GAS2: variants seen among roughly 807,000 people sequenced by gnomAD.
GAS2 encodes growth arrest specific 2.
Under a neutral mutation model 37.5 loss-of-function variants are expected in GAS2, and 20 were observed. That is an observed-to-expected ratio of 0.53 (90% CI 0.37 to 0.77). GAS2 has a LOEUF of 0.77. Ranked by LOEUF, GAS2 falls within the 30% of genes least tolerant of loss-of-function variation. The probability of loss-of-function intolerance (pLI) is 0.00; values close to 1 mark genes in which losing one functional copy is unlikely to be tolerated. For synonymous variants in GAS2, 144 were observed against 132.2 expected, an observed-to-expected ratio of 1.09 and a Z score of -0.61; for missense variants, 336 against 373.4, an observed-to-expected ratio of 0.90 and a Z score of 0.82.
chr11:22,798,799 A>G (rs1239507617), intron 7 of GAS2, among the ~76,000 whole-genome samples: 3 of 151,938 alleles, frequency 2.0e-5, no homozygotes, highest in Non-Finnish European at 2.9e-5. Context: ...TGCTAGAATC[A>G]AGCTTTCAAC....
chr11:22,790,815 T>C (rs1036332835), intron 7 of GAS2, among the ~76,000 whole-genome samples: 14 of 151,902 alleles, frequency 9.2e-5, no homozygotes, highest in Non-Finnish European at 1.6e-4. Flanking sequence ...CAAAGATATA[T>C]TATTAAATAT....
chr11:22,727,383 A>C (rs1199604427), intron 4 of GAS2, among the ~76,000 whole-genome samples: 1 of 152,062 alleles, frequency 6.6e-6, no homozygotes, highest in East Asian at 1.9e-4. Context: ...ACAAGTATAC[A>C]AATTACCTTC....
intron 2 of GAS2, among the ~76,000 whole-genome samples, chr11:22,683,156 C>T (rs1468553983): frequency 7.5e-6 from 1 of 132,758 alleles, no homozygotes; most frequent in Non-Finnish European, 1.6e-5. Flanking sequence ...AAGACTGCTC[C>T]CAAAAATGGA....
chr11:22,739,009 G>C (rs932278459), intron 5 of GAS2, among the ~76,000 whole-genome samples: 3 of 152,148 alleles, frequency 2.0e-5, no homozygotes, highest in Admixed American at 2.0e-4. Flanking sequence ...TTGTGGGAAG[G>C]CCTCTGGGGG....
chr11:22,790,088 C>T (rs999527419), intron 7 of GAS2, among the ~76,000 whole-genome samples: 1 of 152,160 alleles, frequency 6.6e-6, no homozygotes, highest in Non-Finnish European at 1.5e-5. Context: ...ACCTACCTAA[C>T]ACATGTTACA....
chr11:22,811,230 A>G (rs1392491527), intron 7 of GAS2, among the ~76,000 whole-genome samples: 2 of 152,260 alleles, frequency 1.3e-5, no homozygotes, highest in African/African-American at 4.8e-5. Context: ...GAAAAAGAAT[A>G]AAGAAAAACA....
chr11:22,675,999 T>C (rs998640557), intron 2 of GAS2, among the ~76,000 whole-genome samples: 3 of 152,142 alleles, frequency 2.0e-5, no homozygotes, highest in Non-Finnish European at 2.9e-5. Context: ...TTGCATGGCT[T>C]TTGTATTTAT....
At chr11:22,655,314 A>C (rs896452647) in intron 1 of GAS2, among the ~76,000 whole-genome samples, 2 of 152,206 alleles carry the variant, frequency 1.3e-5, no homozygotes, top group African/African-American at 4.8e-5. Flanking sequence ...GCATTAGGTT[A>C]GTTCTTCAGA....
chr11:22,643,831 A>T (rs1848656989), intron 1 of GAS2, among the ~76,000 whole-genome samples: 1 of 152,138 alleles, frequency 6.6e-6, no homozygotes, highest in Non-Finnish European at 1.5e-5. Flanking sequence ...TTGCTATATA[A>T]ATACCTGCCA....
chr11:22,802,701 A>C (rs1590148401), intron 7 of GAS2, among the ~76,000 whole-genome samples: 1 of 152,200 alleles, frequency 6.6e-6, no homozygotes, highest in Non-Finnish European at 1.5e-5. Context: ...TTTATTTCTT[A>C]TCAACAACAA....
intron 2 of GAS2, among the ~76,000 whole-genome samples, chr11:22,681,205 A>C (rs1254304281): frequency 6.6e-6 from 1 of 152,142 alleles, no homozygotes; most frequent in African/African-American, 2.4e-5. Context: ...CTGATATGTA[A>C]ATCTTTATAA....
intron 1 of GAS2, among the ~76,000 whole-genome samples, chr11:22,651,902 G>A (rs928670589): frequency 2.6e-5 from 4 of 152,120 alleles, no homozygotes; most frequent in African/African-American, 9.7e-5. Context: ...ATCATCTGAA[G>A]CCTTCTTCTC....
At chr11:22,749,291 AC>A in intron 6 of GAS2, 30 bp downstream of exon 6, 2 of 1,599,242 alleles carry the variant, frequency 1.3e-6, no homozygotes, top group Non-Finnish European at 1.7e-6. Flanking sequence ...CTTCTTACCA[AC>A]GGTTAGTCTT....
At chr11:22,677,188 G>A (rs1440591062) in intron 2 of GAS2, among the ~76,000 whole-genome samples, 1 of 152,136 alleles carries the variant, frequency 6.6e-6, no homozygotes, top group Non-Finnish European at 1.5e-5. Context: ...TGAGGTGGGA[G>A]TAGGGCAAAG....
intron 1 of GAS2, among the ~76,000 whole-genome samples, chr11:22,634,238 A>G (rs1858788795): frequency 6.6e-6 from 1 of 152,178 alleles, no homozygotes; most frequent in Non-Finnish European, 1.5e-5. Flanking sequence ...TGTGATACTT[A>G]GTCACTACCA....
At chr11:22,749,441 A>C (rs1314938925) in intron 6 of GAS2, among the ~76,000 whole-genome samples, 180 bp downstream of exon 6, 3 of 152,042 alleles carry the variant, frequency 2.0e-5, no homozygotes, top group Non-Finnish European at 4.4e-5. Context: ...AAACTGAACT[A>C]GTTGTTCAAA....
intron 2 of GAS2, among the ~76,000 whole-genome samples, chr11:22,677,176 A>G (rs186666278): frequency 1.3e-4 from 20 of 152,278 alleles, no homozygotes; most frequent in Non-Finnish European, 2.8e-4. Context: ...TAAAATGTAA[A>G]CTGAGGTGGG....
intron 5 of GAS2, among the ~76,000 whole-genome samples, chr11:22,742,118 TA>T (rs546706188): frequency 3.0e-4 from 45 of 151,224 alleles, no homozygotes; most frequent in African/African-American, 8.2e-4. Flanking sequence ...CCTATCACTT[TA>T]AAAAAAAATG....
chr11:22,689,614 G>T (rs1850138584), intron 3 of GAS2, among the ~76,000 whole-genome samples: 1 of 152,144 alleles, frequency 6.6e-6, no homozygotes, highest in African/African-American at 2.4e-5. Context: ...AGATTTTTCA[G>T]TCCATTGTTG....
Sources: allele counts gnomAD v4.1 joint callset (sites outside exome capture counted in the v4.1 genomes callset), GRCh38; gene constraint gnomAD v4.1.1; transcripts MANE v1.5; gene names NCBI Gene and HGNC (gene_info 2026-07-23, HGNC 2026-07-21).